The following MYH10 variants were observed in gnomAD, a reference collection of about 807,000 sequenced individuals.
The protein encoded by MYH10 is myosin heavy chain 10, also known as myosin-10.
In MYH10, 55 loss-of-function variants were observed where a neutral mutation model predicts 257.8. The observed-to-expected ratio is 0.21, with a 90% confidence interval of 0.17 to 0.27. The LOEUF is 0.27. Ranked by LOEUF, MYH10 falls within the 10% of genes least tolerant of loss-of-function variation. The pLI is 1.00. For synonymous variants in MYH10, 854 were observed against 921.7 expected, an observed-to-expected ratio of 0.93 and a Z score of 1.33; for missense variants, 1,631 against 2,500.6, an observed-to-expected ratio of 0.65 and a Z score of 7.42.
intron 3 of MYH10, among the ~76,000 whole-genome samples, chr17:8,590,230 T>C (rs1049464856): frequency 4.6e-5 from 7 of 152,204 alleles, no homozygotes; most frequent in Non-Finnish European, 7.3e-5. Context: ...CATAATATTA[T>C]TAAACAAATC....
At chr17:8,489,864 T>C (rs995505661) in intron 35 of MYH10, among the ~76,000 whole-genome samples, 9 of 152,204 alleles carry the variant, frequency 5.9e-5, no homozygotes, top group Non-Finnish European at 1.2e-4. Flanking sequence ...GTGTCTAATA[T>C]ACATTCAGAA....
chr17:8,530,820 T>A (rs1384738252), intron 16 of MYH10, 135 bp from the exon 17 acceptor site: 2 of 605,022 alleles, frequency 3.3e-6, no homozygotes, highest in Non-Finnish European at 5.8e-6. Context: ...GCAGATCCCA[T>A]GCAAACATGA....
rs1359458403 is a variant in MYH10 at position 8,484,091 on chromosome 17, C to T, written c.5175+47G>A. 6 of 1,472,956 alleles carry T rather than the reference C, an allele frequency of 4.1e-6. No homozygotes were observed. The Admixed American group carries it at 1.5e-4, about 36-fold the overall frequency. 91.2% of individuals were successfully genotyped at this position (1,472,956 alleles called of 1,614,324 possible). A position where few individuals can be genotyped will look rare whatever the true frequency, so the allele number is the denominator to read the frequency against. On this transcript the variant is annotated intron_variant, in intron 37 of 42. Transcript: ENST00000360416. ...CTTTTTTTTGATCTTGGAGAAATTT[C>T]AAGGGCAAATATATTTGTTGAACAA...
Position 8,552,268 on chromosome 17 carries a change from T to A in MYH10, c.821-124A>T, listed in dbSNP as rs944120728. The stretch of plus-strand genomic sequence containing the variant: ...CTTTCTCTGATTATTATATAAACTA[T>A]CCTGCAATGAACTATTCTAAATGAC... On this transcript the variant is annotated intron_variant, in intron 8 of 42. Transcript: ENST00000360416. This position sits in a 1 kb window ranked among gnomAD's most constrained non-coding sequence, Gnocchi z 4.8. The A allele has an allele frequency of 6.6e-6, 3 of 452,992 alleles. No individual in the cohort carries two copies. Among genetic ancestry groups the A allele is most frequent in the African/African-American group, 6.1e-5 (3 of 49,472 alleles). 28.1% of individuals were successfully genotyped at this position (452,992 alleles called of 1,614,324 possible).
In MYH10 at chr17:8,500,928, A is replaced by G; in HGVS notation, c.3642T>C (p.Leu1214=). The G allele has an allele frequency of 6.2e-7, 1 of 1,614,138 alleles. No individual in the cohort carries two copies. Among genetic ancestry groups the G allele is most frequent in the Non-Finnish European group, 8.5e-7 (1 of 1,179,990 alleles). Residue 1214 remains leucine, a synonymous_variant, in exon 29 of 43, where the codon CTT becomes CTC. Transcript: ENST00000360416. The part of the protein sequence containing the change: ...EQEVAELKKA[L]EEETKNHEAQ... ...CTTCATGGTTCTTAGTTTCCTCCTC[A>G]AGAGCTTTCTTCAGCTCTGCCACTT...
chr17:8,553,909 C>T (rs746434055), intron 8 of MYH10, 46 bp downstream of exon 8: 3 of 1,512,716 alleles, frequency 2.0e-6, no homozygotes, highest in Admixed American at 1.7e-5. Context: ...TGTAGGAAGA[C>T]TAAATCCTTC....
At chr17:8,602,695 T>A (rs2084657211) in intron 3 of MYH10, among the ~76,000 whole-genome samples, 1 of 152,210 alleles carries the variant, frequency 6.6e-6, no homozygotes, top group Non-Finnish European at 1.5e-5. Context: ...AACTTTCACA[T>A]GGAGGTTTAT....
At position 8,548,767 on chromosome 17, in the gene MYH10, A is replaced by T; in HGVS notation, c.940T>A (p.Phe314Ile). 1 of 1,611,882 alleles carries T rather than the reference A, an allele frequency of 6.2e-7. No individual in the cohort carries two copies. ...TTGGAGAGAAACCTGTAGTTATTAA[A>T]TCCTTCAAGAAGCAAATCAGCTAAA... ...HLKSDLLLEGFNNYRFLSNGY... is the reference protein window; with the variant it reads ...HLKSDLLLEGINNYRFLSNGY... Residue 314 changes from phenylalanine to isoleucine, a missense_variant, in exon 10 of 43, where the codon TTT becomes ATT. Transcript: ENST00000360416.
intron 3 of MYH10, among the ~76,000 whole-genome samples, chr17:8,602,865 A>G (rs1357647907): frequency 6.6e-6 from 1 of 152,232 alleles, no homozygotes; most frequent in Non-Finnish European, 1.5e-5. Context: ...CATTAACTAA[A>G]TAAGACACAA....
intron 25 of MYH10, among the ~76,000 whole-genome samples, chr17:8,509,354 C>G (rs568687318): frequency 6.6e-6 from 1 of 152,058 alleles, no homozygotes; most frequent in Non-Finnish European, 1.5e-5. Context: ...GATGTTTGTA[C>G]GAGGATAAAA....
At chr17:8,530,537 G>GCCCCCCA in intron 17 of MYH10, 86 bp downstream of exon 17, 1 of 28,656 alleles carries the variant, frequency 3.5e-5, no homozygotes, top group Non-Finnish European at 8.1e-5. Flanking sequence ...CGCCCTCCCC[G>GCCCCCCA]GCCACCCTGC....
At chr17:8,607,298 AGTGTCCCATAGCACGTATGGCATG>A (rs1173352457) in intron 2 of MYH10, among the ~76,000 whole-genome samples, 6 of 152,362 alleles carry the variant, frequency 3.9e-5, no homozygotes, top group Non-Finnish European at 2.9e-5. Context: ...AATTCAGTTT[AGTGTCCCATAGCACGTATGGCATG>A]GTAACAGATA....
At chr17:8,516,857 G>A (rs976766795) in intron 21 of MYH10, among the ~76,000 whole-genome samples, 85 of 152,178 alleles carry the variant, frequency 5.6e-4, no homozygotes, top group African/African-American at 2.0e-3. Flanking sequence ...ATAAAAACCC[G>A]GCCGGGCACA....
intron 9 of MYH10, among the ~76,000 whole-genome samples, chr17:8,549,625 C>T (rs2082556007): frequency 6.6e-6 from 1 of 152,202 alleles, no homozygotes; most frequent in Admixed American, 6.5e-5. Context: ...TCACATTTAA[C>T]TTCTACAGGG....
chr17:8,561,268 G>A (rs2151982147), intron 7 of MYH10: 5 of 998,590 alleles, frequency 5.0e-6, no homozygotes, highest in African/African-American at 4.7e-5. Flanking sequence ...GTGCTGAAAA[G>A]GGCCGCGGCC....
At chr17:8,517,013 C>A (rs901347889) in intron 21 of MYH10, among the ~76,000 whole-genome samples, 1 of 151,838 alleles carries the variant, frequency 6.6e-6, no homozygotes, top group African/African-American at 2.4e-5. Context: ...TGGTGGCGGG[C>A]GCCTGTAGTC....
intron 6 of MYH10, among the ~76,000 whole-genome samples, chr17:8,570,417 T>C (rs1275717543): frequency 6.6e-6 from 1 of 152,190 alleles, no homozygotes; most frequent in Non-Finnish European, 1.5e-5. Context: ...AGTTGGTGTC[T>C]TTACTTATAT....
At chr17:8,496,405 A>G (rs1401461680) in intron 30 of MYH10, among the ~76,000 whole-genome samples, 3 of 152,242 alleles carry the variant, frequency 2.0e-5, no homozygotes, top group Non-Finnish European at 4.4e-5. Context: ...TCCAAAGTCA[A>G]GAGGGACTCC....
Position 8,490,668 on chromosome 17 carries a change from G to T in MYH10, c.4672-116C>A. ...CATGCTGGCCACTTTGGTCCCCCTG[G>T]GCCGGCCCCCTGCCACATGCATACA... On this transcript the variant is annotated intron_variant, in intron 34 of 42. Coordinates refer to ENST00000360416, the MANE Select transcript of MYH10 (RefSeq NM_001256012.3). The surrounding 1 kb of genome is among the most constrained non-coding windows in gnomAD (Gnocchi z 4.1). The T allele has an allele frequency of 1.1e-6, 1 of 952,006 alleles. No homozygotes were observed. The highest frequency in any genetic ancestry group is 1.6e-6 in the Non-Finnish European group (1 of 609,526). 59.0% of individuals were successfully genotyped at this position (952,006 alleles called of 1,614,324 possible). A position where few individuals can be genotyped will look rare whatever the true frequency, so the allele number is the denominator to read the frequency against.
Sources: allele counts gnomAD v4.1 joint callset (sites outside exome capture counted in the v4.1 genomes callset), GRCh38; gene constraint gnomAD v4.1.1; non-coding constraint Gnocchi (gnomAD v3.1); transcripts MANE v1.5; gene names NCBI Gene and HGNC (gene_info 2026-07-23, HGNC 2026-07-21).